The following AMMECR1 variants were observed in gnomAD, a reference collection of about 807,000 sequenced individuals.
The protein encoded by AMMECR1 is nuclear protein AMMECR1.
AMMECR1 carries 3 observed loss-of-function variants against 22.5 expected under a neutral mutation model. The observed-to-expected ratio is 0.13, with a 90% CI of 0.06 to 0.35. The LOEUF is 0.35. Among genes scored for constraint, AMMECR1 ranks in the 10% least tolerant of loss-of-function variants. The pLI, the probability that AMMECR1 is intolerant of heterozygous loss-of-function variation, is 1.00. For missense variants in AMMECR1, 235 were observed against 278.7 expected, an observed-to-expected ratio of 0.84 and a Z score of 1.12; for synonymous variants, 130 against 116.7, an observed-to-expected ratio of 1.11 and a Z score of -0.74.
rs762797474 is a variant in AMMECR1 at position 110,270,471 on chromosome X, GT to G, written c.474-5873del. Among the ~76,000 whole-genome samples the G allele has an allele frequency of 5.5e-3, 607 of 109,543 alleles. 3 individuals carry two copies. The highest frequency in any genetic ancestry group is 0.019 in the African/African-American group (582 of 30,106). ...ATTTTCTTACTACTGGTATAATATGGTTTTTTTTTCCCCCACTACAGGAAAA... is the reference window on the plus strand; with the variant it reads ...ATTTTCTTACTACTGGTATAATATGGTTTTTTTTCCCCCACTACAGGAAAA... On this transcript the variant is annotated intron_variant, in intron 1 of 5. Coordinates refer to ENST00000262844, the MANE Select transcript of AMMECR1 (RefSeq NM_015365.3).
At chrX:110,327,382 C>T (rs1164119233) in intron 2 of AMMECR1, among the ~76,000 whole-genome samples, 1 of 111,890 alleles carries the variant, frequency 8.9e-6, no homozygotes, top group Non-Finnish European at 1.9e-5. Flanking sequence ...GTCACAATAT[C>T]CAAAGAAGAA....
At position 110,324,648 on chromosome X, in the gene AMMECR1, GT is replaced by G. The variant is rs771995443; in HGVS notation, c.-147-6800del. 7.0e-3 allele frequency among the ~76,000 whole-genome samples: 594 copies of G among 84,325 alleles called. 2 individuals are homozygous for G. Among genetic ancestry groups the G allele is most frequent in the African/African-American group, 0.017 (388 of 23,253 alleles). 73.2% of individuals were successfully genotyped at this position (84,325 alleles called of 115,157 possible). A position where few individuals can be genotyped will look rare whatever the true frequency, so the allele number is the denominator to read the frequency against. ...CCCTTCTACTGGTAGTTTGTTGAGT[GT>G]TTTTTTTTTTTTTTAATTTATCATG... On this transcript the variant is annotated intron_variant, in intron 2 of 7. Coordinates refer to the AMMECR1 transcript ENST00000372057.
chrX:110,355,633 G>T (rs1440454676), intron 2 of AMMECR1, among the ~76,000 whole-genome samples: 2 of 111,744 alleles, frequency 1.8e-5, no homozygotes, highest in African/African-American at 6.5e-5. Flanking sequence ...ACTGTTGATT[G>T]GAAGGTGAAT....
intron 1 of AMMECR1, among the ~76,000 whole-genome samples, chrX:110,281,391 T>C (rs1010417059): frequency 4.4e-5 from 5 of 112,388 alleles, no homozygotes; most frequent in Admixed American, 9.4e-5. Context: ...TTGTTAACCA[T>C]TGTATAGCTA....
At chrX:110,309,482 C>T (rs2068014365) in intron 1 of AMMECR1, 2 of 112,321 alleles carry the variant, frequency 1.8e-5, no homozygotes, top group Admixed American at 9.4e-5. Flanking sequence ...CTGCATAAAA[C>T]AGTCAACTGT....
intron 2 of AMMECR1, among the ~76,000 whole-genome samples, chrX:110,252,485 T>A (rs1280069849): frequency 1.8e-5 from 2 of 111,525 alleles, no homozygotes; most frequent in African/African-American, 6.5e-5. Flanking sequence ...AGTCTATTTT[T>A]GCGAGTATTT....
At chrX:110,348,553 A>C (rs2068199455) in intron 2 of AMMECR1, among the ~76,000 whole-genome samples, 1 of 112,432 alleles carries the variant, frequency 8.9e-6, no homozygotes, top group Non-Finnish European at 1.9e-5. Context: ...TTATCTTGAG[A>C]GCAATTATTA....
At position 110,197,869 on chromosome X, in the gene AMMECR1, C is replaced by A. The variant is rs1219431681; in HGVS notation, c.*651G>T. The A allele has an allele frequency of 8.9e-6, 1 of 111,902 alleles. No homozygotes were observed. The highest frequency in any genetic ancestry group is 1.9e-5 in the Non-Finnish European group (1 of 53,109). 9.2% of individuals were successfully genotyped at this position (111,902 alleles called of 1,213,427 possible). ...AAGCCCTATCACGGACCTTTGAATG[C>A]TCACTACTAGAACTAAAGTTCATGT... On this transcript the variant is annotated 3_prime_UTR_variant, in exon 6 of 6. Coordinates refer to ENST00000262844, the MANE Select transcript of AMMECR1 (RefSeq NM_015365.3).
At chrX:110,339,150 AG>A (rs749561720) in intron 2 of AMMECR1, among the ~76,000 whole-genome samples, 23 of 111,585 alleles carry the variant, frequency 2.1e-4, no homozygotes, top group African/African-American at 6.5e-4. Context: ...TGCAAGTTAA[AG>A]GGTGTGCCAC....
chrX:110,407,588 G>C (rs1391101366), intron 2 of AMMECR1, among the ~76,000 whole-genome samples: 1 of 112,346 alleles, frequency 8.9e-6, no homozygotes, highest in Non-Finnish European at 1.9e-5. Flanking sequence ...GAGAGTCTAA[G>C]TGAATTTCTT....
chrX:110,379,665 T>G (rs1031409815), intron 2 of AMMECR1, among the ~76,000 whole-genome samples: 8 of 112,237 alleles, frequency 7.1e-5, no homozygotes, highest in Non-Finnish European at 1.5e-4. Flanking sequence ...CACATGCACA[T>G]GCACATGTAA....
chrX:110,334,715 AT>A (rs1388902043), intron 2 of AMMECR1, among the ~76,000 whole-genome samples: 2 of 112,347 alleles, frequency 1.8e-5, no homozygotes, highest in Non-Finnish European at 3.8e-5. Flanking sequence ...TATGAACTAC[AT>A]CTTCAATAAT....
intron 1 of AMMECR1, among the ~76,000 whole-genome samples, chrX:110,279,469 T>C (rs1295313567): frequency 8.9e-6 from 1 of 112,333 alleles, no homozygotes; most frequent in Non-Finnish European, 1.9e-5. Flanking sequence ...ATATAATACA[T>C]GTAAGAGTCT....
intron 5 of AMMECR1, among the ~76,000 whole-genome samples, chrX:110,199,934 T>C (rs767870645): frequency 1.8e-5 from 2 of 111,478 alleles, no homozygotes; most frequent in East Asian, 5.6e-4. Flanking sequence ...CTCAATGGTC[T>C]GCCCAACCTA....
At chrX:110,350,791 AC>A (rs1341409293) in intron 2 of AMMECR1, among the ~76,000 whole-genome samples, 3 of 109,259 alleles carry the variant, frequency 2.7e-5, no homozygotes, top group Non-Finnish European at 3.8e-5. Flanking sequence ...GCATAGTGAG[AC>A]CCCCGTCTCT....
At chrX:110,233,803 T>G (rs2067584024) in intron 2 of AMMECR1, among the ~76,000 whole-genome samples, 1 of 112,013 alleles carries the variant, frequency 8.9e-6, no homozygotes, top group African/African-American at 3.2e-5. Context: ...AAACTCTCAA[T>G]AAATTAGGTA....
At chrX:110,324,031 T>C (rs1162094056) in intron 2 of AMMECR1, among the ~76,000 whole-genome samples, 5 of 106,282 alleles carry the variant, frequency 4.7e-5, no homozygotes, top group African/African-American at 1.7e-4. Context: ...TGAGATGGAG[T>C]CTCACTCCAG....
At chrX:110,233,930 G>A (rs1303065131) in intron 2 of AMMECR1, among the ~76,000 whole-genome samples, 1 of 112,155 alleles carries the variant, frequency 8.9e-6, no homozygotes, top group Non-Finnish European at 1.9e-5. Context: ...AGACAAGGAT[G>A]CACTCTCTCA....
At position 110,439,154 on chromosome X, in the gene AMMECR1, G is replaced by A. The variant is rs140064192; in HGVS notation, c.-294+736C>T. The stretch of plus-strand genomic sequence containing the variant: ...AGTCCCCGACAGAAGGACAAGAGGG[G>A]CTGATTCTCCCTTTGTGAGCAGCCA... On this transcript the variant is annotated intron_variant, in intron 1 of 7. Coordinates refer to the AMMECR1 transcript ENST00000372057. 6.6e-3 allele frequency among the ~76,000 whole-genome samples: 740 copies of A among 111,952 alleles called. 7 individuals carry two copies. Among genetic ancestry groups the A allele is most frequent in the Middle Eastern group, 9.2e-3 (2 of 217 alleles).
Sources: allele counts gnomAD v4.1 joint callset (sites outside exome capture counted in the v4.1 genomes callset), GRCh38; gene constraint gnomAD v4.1.1; transcripts MANE v1.5; gene names NCBI Gene and HGNC (gene_info 2026-07-23, HGNC 2026-07-21).